AGBL1: variants seen among roughly 807,000 people sequenced by gnomAD.
The protein encoded by AGBL1 is AGBL carboxypeptidase 1, also known as cytosolic carboxypeptidase 4.
Under a neutral mutation model 118.9 loss-of-function variants are expected in AGBL1, and 130 were observed. The observed-to-expected ratio is 1.09, with a 90% confidence interval of 0.95 to 1.26. The LOEUF (loss-of-function observed/expected upper bound fraction) is 1.26. Among genes scored for constraint, AGBL1 ranks in the 50% most tolerant of loss-of-function variants. The pLI is 0.00. For missense variants in AGBL1, 1,584 were observed against 1,298.1 expected, an observed-to-expected ratio of 1.22 and a Z score of -3.38; for synonymous variants, 555 against 478.9, an observed-to-expected ratio of 1.16 and a Z score of -2.08.
rs139128452 is a variant in AGBL1 at position 86,926,606 on chromosome 15, C to T, written c.3222-61381C>T. ...GGTGTGAAAGCTCTAATAGGAATGC[C>T]ATAGACTGGATGGAGACTTAACAAG... On this transcript the variant is annotated intron_variant, in intron 23 of 24. Transcript: ENST00000441037. Among the ~76,000 whole-genome samples the T allele has an allele frequency of 3.6e-3, 542 of 152,298 alleles. 3 individuals are homozygous for T. Among genetic ancestry groups the T allele is most frequent in the Non-Finnish European group, 5.2e-3 (354 of 68,030 alleles).
At chr15:86,158,420 T>A (rs1287496223) in intron 4 of AGBL1, among the ~76,000 whole-genome samples, 1 of 152,066 alleles carries the variant, frequency 6.6e-6, no homozygotes, top group Non-Finnish European at 1.5e-5. Context: ...AAAACACAAG[T>A]CCAGTGGAGG....
chr15:86,784,161 CTT>C (rs1251215742), intron 22 of AGBL1, among the ~76,000 whole-genome samples: 2 of 152,038 alleles, frequency 1.3e-5, no homozygotes, highest in Non-Finnish European at 2.9e-5. Flanking sequence ...AATGAGATAA[CTT>C]ATATAGTATT....
At chr15:87,010,376 A>C (rs1359547771) in intron 24 of AGBL1, among the ~76,000 whole-genome samples, 2 of 152,246 alleles carry the variant, frequency 1.3e-5, no homozygotes, top group East Asian at 3.9e-4. Flanking sequence ...AAATCCGTTA[A>C]ACCTCTCTCT....
chr15:86,522,546 C>T (rs1285896686), intron 18 of AGBL1, among the ~76,000 whole-genome samples: 1 of 152,200 alleles, frequency 6.6e-6, no homozygotes, highest in Non-Finnish European at 1.5e-5. Context: ...ACTACATTTT[C>T]CAACTTTGTC....
intron 5 of AGBL1, among the ~76,000 whole-genome samples, chr15:86,193,092 A>T (rs891522916): frequency 1.3e-5 from 2 of 152,330 alleles, no homozygotes; most frequent in Admixed American, 1.3e-4. Context: ...ATTTATTAGT[A>T]AATGTGATCA....
intron 5 of AGBL1, among the ~76,000 whole-genome samples, chr15:86,214,886 A>C (rs1271612423): frequency 6.6e-6 from 1 of 152,160 alleles, no homozygotes; most frequent in Non-Finnish European, 1.5e-5. Context: ...TAACCAAACC[A>C]GTCTGAGATC....
chr15:86,123,774 G>C (rs1324586401), intron 1 of AGBL1, among the ~76,000 whole-genome samples: 1 of 152,148 alleles, frequency 6.6e-6, no homozygotes, highest in African/African-American at 2.4e-5. Flanking sequence ...TGACCACCTT[G>C]AGCACATGTT....
chr15:86,348,373 T>G (rs1011837780), intron 17 of AGBL1, among the ~76,000 whole-genome samples: 1 of 152,192 alleles, frequency 6.6e-6, no homozygotes. Context: ...CACAAAAATA[T>G]CTCCCTCTTC....
intron 22 of AGBL1, among the ~76,000 whole-genome samples, chr15:86,862,731 A>G (rs1345065530): frequency 6.6e-6 from 1 of 152,218 alleles, no homozygotes; most frequent in Non-Finnish European, 1.5e-5. Context: ...AAACAAAAAC[A>G]AAAACAAATA....
chr15:86,241,726 A>C (rs890178609), intron 6 of AGBL1, among the ~76,000 whole-genome samples: 2 of 152,222 alleles, frequency 1.3e-5, no homozygotes, highest in African/African-American at 2.4e-5. Context: ...CCCACCTCTT[A>C]ATACTATCAC....
chr15:86,794,648 A>C (rs914716641), intron 22 of AGBL1, among the ~76,000 whole-genome samples: 5 of 152,130 alleles, frequency 3.3e-5, no homozygotes, highest in African/African-American at 7.2e-5. Context: ...CAAAAAAAAA[A>C]CATGCAGGGT....
chr15:86,470,636 T>G (rs546969802), intron 18 of AGBL1, among the ~76,000 whole-genome samples: 2 of 152,152 alleles, frequency 1.3e-5, no homozygotes, highest in Non-Finnish European at 2.9e-5. Context: ...AGCATGGACA[T>G]TTTAGCAATA....
chr15:86,889,473 C>A lies in AGBL1; in HGVS notation c.3159-17614C>A, dbSNP rs147029332. ...GAACATGTGCTATGGTGGTTTGCTG[C>A]ACAGATCGACCTATCACCTAGGTAT... is the stretch of plus-strand genomic sequence containing the variant. On this transcript the variant is annotated intron_variant, in intron 22 of 22. Coordinates refer to ENST00000614907, the MANE Select transcript of AGBL1 (RefSeq NM_001386094.1). 8.9e-3 allele frequency among the ~76,000 whole-genome samples: 1,347 copies of A among 152,138 alleles called. 28 individuals are homozygous for A. The highest frequency in any genetic ancestry group is 0.031 in the African/African-American group (1,280 of 41,508).
intron 22 of AGBL1, among the ~76,000 whole-genome samples, chr15:86,807,375 A>T (rs929988027): frequency 3.9e-5 from 6 of 152,196 alleles, no homozygotes; most frequent in Non-Finnish European, 8.8e-5. Flanking sequence ...TCACGTTGGA[A>T]GCATTGAGCA....
intron 17 of AGBL1, chr15:86,296,661 C>T (rs946221300): frequency 9.2e-5 from 14 of 152,170 alleles, no homozygotes; most frequent in Admixed American, 2.0e-4. Flanking sequence ...CCGATTAACC[C>T]ATCTGGATTA....
At chr15:86,616,351 A>AT (rs199610272) in intron 21 of AGBL1, among the ~76,000 whole-genome samples, 120,805 of 141,848 alleles carry the variant, frequency 0.85, 51,325 homozygotes, top group Middle Eastern at 0.91. Flanking sequence ...AAAAAAAAAA[A>AT]AAAAAAAAAA....
intron 22 of AGBL1, among the ~76,000 whole-genome samples, chr15:86,866,880 C>T (rs1380736897): frequency 3.9e-5 from 6 of 152,184 alleles, no homozygotes; most frequent in South Asian, 4.1e-4. Context: ...CTGACAGAGA[C>T]TGTAGAAGTC....
chr15:86,215,148 G>C (rs1427797071), intron 5 of AGBL1, among the ~76,000 whole-genome samples: 1 of 151,802 alleles, frequency 6.6e-6, no homozygotes. Context: ...CTTGAAAATG[G>C]TGGTTAGCAA....
At chr15:86,949,905 TTAAG>T (rs2080861572) in intron 23 of AGBL1, among the ~76,000 whole-genome samples, 1 of 152,032 alleles carries the variant, frequency 6.6e-6, no homozygotes, top group African/African-American at 2.4e-5. Flanking sequence ...TACTGGGCCT[TTAAG>T]TGAGCTCAAC....
Sources: gnomAD v4.1 joint callset for allele counts (sites outside exome capture counted in the v4.1 genomes callset) on GRCh38, gnomAD v4.1.1 for gene constraint, MANE v1.5 for transcripts, NCBI Gene and HGNC (gene_info 2026-07-23, HGNC 2026-07-21) for gene names.